ESRRG: variants seen among roughly 807,000 people sequenced by gnomAD.
The protein encoded by ESRRG is estrogen related receptor gamma.
Under a neutral mutation model 44.0 loss-of-function variants are expected in ESRRG, and 13 were observed. The observed-to-expected ratio is 0.30, with a 90% CI of 0.19 to 0.47. The LOEUF is 0.47. Ranked by LOEUF, ESRRG falls within the 20% of genes least tolerant of loss-of-function variation. The probability of loss-of-function intolerance (pLI) is 1.00; values close to 1 mark genes in which losing one functional copy is unlikely to be tolerated. For synonymous variants in ESRRG, 215 were observed against 214.6 expected, an observed-to-expected ratio of 1.00 and a Z score of -0.02; for missense variants, 395 against 580.6, an observed-to-expected ratio of 0.68 and a Z score of 3.29.
At chr1:216,680,845 T>A (rs572967314) in intron 1 of ESRRG, among the ~76,000 whole-genome samples, 1 of 152,326 alleles carries the variant, frequency 6.6e-6, no homozygotes, top group South Asian at 2.1e-4. Flanking sequence ...ATTCTAGACT[T>A]CACTTCAATC....
chr1:216,603,956 A>C (rs1457555273), intron 3 of ESRRG, among the ~76,000 whole-genome samples: 4 of 152,040 alleles, frequency 2.6e-5, no homozygotes, highest in Non-Finnish European at 4.4e-5. Flanking sequence ...AAAAAAAAAA[A>C]AAAAAAGGAA....
chr1:216,832,521 A>G (rs1034717432), intron 2 of ESRRG, among the ~76,000 whole-genome samples: 3 of 152,168 alleles, frequency 2.0e-5, no homozygotes, highest in Non-Finnish European at 2.9e-5. Context: ...AGCATCTTAC[A>G]TTCAACAACT....
chr1:217,012,012 G>T (rs192272608), intron 1 of ESRRG, among the ~76,000 whole-genome samples: 52 of 152,112 alleles, frequency 3.4e-4, no homozygotes, highest in African/African-American at 1.1e-3. Context: ...AGGCTTTGAG[G>T]TATCTGAAAT....
Position 216,503,286 on chromosome 1 carries a change from T to C in ESRRG, c.*3653A>G, listed in dbSNP as rs957101460. ...AAGCTTGTTTAATATTGCTCTACCA[T>C]CATCCTGAAAGGCATAATAATTTGA... is the stretch of plus-strand genomic sequence containing the variant. On this transcript the variant is annotated 3_prime_UTR_variant, in exon 7 of 7. Coordinates refer to ENST00000408911, the MANE Select transcript of ESRRG (RefSeq NM_001438.4). 2 of 152,332 alleles carry C rather than the reference T, an allele frequency of 1.3e-5. No individual in the cohort carries two copies. Among genetic ancestry groups the C allele is most frequent in the African/African-American group, 4.8e-5 (2 of 41,380 alleles). The allele number at this position is 152,332 out of a possible 1,614,324, so 9.4% of individuals were successfully genotyped here.
At chr1:216,984,825 A>G (rs1451536086) in intron 1 of ESRRG, among the ~76,000 whole-genome samples, 1 of 152,214 alleles carries the variant, frequency 6.6e-6, no homozygotes, top group African/African-American at 2.4e-5. Context: ...ATCCCAGGAG[A>G]AGTCTGGGTC....
At chr1:216,668,055 C>T (rs2074356750) in intron 2 of ESRRG, among the ~76,000 whole-genome samples, 1 of 151,918 alleles carries the variant, frequency 6.6e-6, no homozygotes, top group South Asian at 2.1e-4. Flanking sequence ...CAAGATCACA[C>T]CATTGCACTC....
intron 1 of ESRRG, among the ~76,000 whole-genome samples, chr1:217,111,027 G>A (rs1309710557): frequency 6.6e-6 from 1 of 152,186 alleles, no homozygotes; most frequent in Non-Finnish European, 1.5e-5. Context: ...CAGTGTTAGT[G>A]AGTGTTCCAG....
intron 2 of ESRRG, among the ~76,000 whole-genome samples, chr1:216,763,502 G>C (rs1265409188): frequency 2.0e-5 from 3 of 152,102 alleles, no homozygotes; most frequent in Non-Finnish European, 4.4e-5. Context: ...AAAAAAGAGG[G>C]AGGAGAATGA....
intron 1 of ESRRG, among the ~76,000 whole-genome samples, chr1:216,977,291 A>G (rs2150353210): frequency 6.6e-6 from 1 of 151,622 alleles, no homozygotes; most frequent in African/African-American, 2.4e-5. Flanking sequence ...CAGAAGGAAA[A>G]ATCCTTACAA....
intron 1 of ESRRG, among the ~76,000 whole-genome samples, chr1:217,136,388 C>T (rs537628069): frequency 1.3e-5 from 2 of 152,306 alleles, no homozygotes; most frequent in African/African-American, 4.8e-5. Context: ...TTCCCAGAAG[C>T]GACAATAACC....
At chr1:216,696,486 TTAAAA>T (rs2080185770) in intron 1 of ESRRG, among the ~76,000 whole-genome samples, 1 of 152,044 alleles carries the variant, frequency 6.6e-6, no homozygotes, top group African/African-American at 2.4e-5. Flanking sequence ...TGTGACCAAA[TTAAAA>T]TAAAAACAAA....
At chr1:216,756,428 C>T (rs542377634) in intron 2 of ESRRG, among the ~76,000 whole-genome samples, 3 of 152,032 alleles carry the variant, frequency 2.0e-5, no homozygotes, top group African/African-American at 7.2e-5. Flanking sequence ...CATTCCTACT[C>T]ATTTTTCTCT....
At chr1:216,902,096 C>T (rs191285341) in intron 2 of ESRRG, among the ~76,000 whole-genome samples, 51 of 152,278 alleles carry the variant, frequency 3.3e-4, no homozygotes, top group African/African-American at 1.1e-3. Context: ...CTTCTCAAGA[C>T]ATCTCTCCCA....
chr1:216,958,828 C>T (rs973626028), intron 1 of ESRRG, among the ~76,000 whole-genome samples: 1 of 152,092 alleles, frequency 6.6e-6, no homozygotes, highest in Non-Finnish European at 1.5e-5. Context: ...AATCACCAGA[C>T]CTCTCAGAGC....
chr1:216,837,097 T>C (rs908633517), intron 2 of ESRRG, among the ~76,000 whole-genome samples: 2 of 139,608 alleles, frequency 1.4e-5, no homozygotes, highest in Non-Finnish European at 3.1e-5. Flanking sequence ...GGTAAAGATA[T>C]ATTCTATTTT....
intron 3 of ESRRG, among the ~76,000 whole-genome samples, chr1:216,591,398 C>A (rs987128974): frequency 2.0e-5 from 3 of 152,190 alleles, no homozygotes; most frequent in Non-Finnish European, 2.9e-5. Flanking sequence ...GCTTATGGGA[C>A]TGAGCTCTTT....
chr1:216,667,370 G>T (rs1250296796), intron 2 of ESRRG, among the ~76,000 whole-genome samples: 1 of 152,072 alleles, frequency 6.6e-6, no homozygotes, highest in Non-Finnish European at 1.5e-5. Context: ...TACTTTATAA[G>T]TTCTGTTAAA....
chr1:216,833,433 A>G (rs1273098353), intron 2 of ESRRG, among the ~76,000 whole-genome samples: 2 of 152,216 alleles, frequency 1.3e-5, no homozygotes, highest in Admixed American at 6.5e-5. Context: ...TATCTGTACT[A>G]ATAATTACAA....
chr1:216,639,408 T>C (rs1036121775), intron 3 of ESRRG, among the ~76,000 whole-genome samples: 1 of 152,078 alleles, frequency 6.6e-6, no homozygotes, highest in African/African-American at 2.4e-5. Flanking sequence ...AAATAAGGGC[T>C]CAGGTGGCCT....
Sources: allele counts gnomAD v4.1 joint callset (sites outside exome capture counted in the v4.1 genomes callset), GRCh38; gene constraint gnomAD v4.1.1; transcripts MANE v1.5; gene names NCBI Gene and HGNC (gene_info 2026-07-23, HGNC 2026-07-21).